Variants in RYR3 observed in about 807,000 individuals in gnomAD.
RYR3 encodes brain ryanodine receptor-calcium release channel.
In RYR3, 207 loss-of-function variants were observed where a neutral mutation model predicts 584.3. That is an observed-to-expected ratio of 0.35 (90% CI 0.32 to 0.40). The LOEUF (loss-of-function observed/expected upper bound fraction) is 0.40, where lower values mean the gene tolerates loss of function less well. RYR3 is among the 10% of genes least tolerant of loss of function. The pLI is 1.00. For missense variants in RYR3, 5,616 were observed against 6,089.2 expected (o/e 0.92, Z 2.59); for synonymous variants, 2,416 against 2,248.5 (o/e 1.07, Z -2.11).
At chr15:33,704,402 A>C (rs879528828) in intron 42 of RYR3, among the ~76,000 whole-genome samples, 3 of 152,190 alleles carry the variant, frequency 2.0e-5, no homozygotes, top group Non-Finnish European at 4.4e-5. Context: ...ACCAGACCAG[A>C]GGGAAATGTT....
At chr15:33,678,212 C>T (rs774593563) in intron 38 of RYR3, among the ~76,000 whole-genome samples, 8 of 152,334 alleles carry the variant, frequency 5.3e-5, no homozygotes, top group Non-Finnish European at 1.2e-4. Context: ...TCTGTGTCCC[C>T]ACACAAATCT....
chr15:33,761,193 A>G (rs2072399574), intron 60 of RYR3, among the ~76,000 whole-genome samples: 1 of 152,132 alleles, frequency 6.6e-6, no homozygotes, highest in Non-Finnish European at 1.5e-5. Context: ...TAAAAGAAAT[A>G]CTGGAGAAGC....
chr15:33,782,317 A>G (rs781670839), intron 65 of RYR3, among the ~76,000 whole-genome samples: 1 of 152,210 alleles, frequency 6.6e-6, no homozygotes, highest in African/African-American at 2.4e-5. Context: ...GTTCCTTTTC[A>G]TTCTATATAC....
At chr15:33,440,715 A>G (rs1275671046) in intron 1 of RYR3, among the ~76,000 whole-genome samples, 1 of 152,212 alleles carries the variant, frequency 6.6e-6, no homozygotes, top group Non-Finnish European at 1.5e-5. Context: ...TCCAGGCTCT[A>G]TCCCTAGAGG....
intron 7 of RYR3, among the ~76,000 whole-genome samples, chr15:33,542,982 C>CT (rs142655095): frequency 0.022 from 3,413 of 152,160 alleles, 51 homozygotes; most frequent in Non-Finnish European, 0.036. Flanking sequence ...AACTCCATGA[C>CT]TATTGAGATT....
intron 48 of RYR3, 116 bp downstream of exon 48, chr15:33,731,810 C>T (rs745531799): frequency 1.5e-5 from 11 of 712,184 alleles, no homozygotes; most frequent in Admixed American, 4.2e-5. Flanking sequence ...CATTGTCATA[C>T]ACCAGCCCTC....
chr15:33,669,888 T>TG (rs1286387497), intron 37 of RYR3, among the ~76,000 whole-genome samples: 115 of 129,976 alleles, frequency 8.8e-4, no homozygotes, highest in Non-Finnish European at 1.3e-4. Flanking sequence ...GTGGTGTGTG[T>TG]GTGTGTGTGT....
intron 2 of RYR3, among the ~76,000 whole-genome samples, chr15:33,488,985 T>C (rs538993168): frequency 2.7e-4 from 41 of 152,232 alleles, no homozygotes; most frequent in Non-Finnish European, 4.0e-4. Context: ...TTTGAAGTTA[T>C]GTGCATGCTC....
intron 18 of RYR3, among the ~76,000 whole-genome samples, chr15:33,606,128 G>A (rs532567435): frequency 6.6e-6 from 1 of 152,158 alleles, no homozygotes; most frequent in Admixed American, 6.5e-5. Context: ...AGTTACGCCT[G>A]GGTTTGAGTC....
intron 46 of RYR3, among the ~76,000 whole-genome samples, chr15:33,728,039 C>T (rs180680743): frequency 3.3e-5 from 5 of 152,306 alleles, no homozygotes; most frequent in East Asian, 1.9e-4. Flanking sequence ...AACAGTATGT[C>T]CTCGAAGTTT....
rs754710913 is a variant in RYR3, at chr15:33,707,005, T to G, written c.6570T>G (p.Ile2190Met). Reference sequence around the variant, plus strand: ...ACCCTGATGTCGGCTGGAACCCCATTGAAGGGGAACGCTACCTGTCCTTCC... The same window carrying G: ...ACCCTGATGTCGGCTGGAACCCCATGGAAGGGGAACGCTACCTGTCCTTCC... Reference protein sequence around the residue: ...KGYPDVGWNPIEGERYLSFLR... With the variant: ...KGYPDVGWNPMEGERYLSFLR... The change falls in exon 43 of 104, where the codon ATT (isoleucine) becomes ATG (methionine). Residue 2190 changes from isoleucine (I) to methionine (M), a missense_variant. This residue lies in a region of RYR3 where 1,280 missense variants were observed against 1,426.2 expected (regional missense o/e 0.90). Transcript: ENST00000634891. 3 of 1,614,000 alleles carry G rather than the reference T, an allele frequency of 1.9e-6. No homozygotes were observed. Among genetic ancestry groups the G allele is most frequent in the Admixed American group, 1.7e-5 (1 of 60,006 alleles).
At chr15:33,368,084 C>T (rs949486186) in intron 1 of RYR3, among the ~76,000 whole-genome samples, 6 of 152,252 alleles carry the variant, frequency 3.9e-5, no homozygotes, top group Middle Eastern at 6.8e-3. Flanking sequence ...CAATAAATTG[C>T]AAAAGCTCTT....
intron 2 of RYR3, among the ~76,000 whole-genome samples, chr15:33,476,332 C>T (rs898748534): frequency 6.6e-6 from 1 of 152,198 alleles, no homozygotes; most frequent in African/African-American, 2.4e-5. Context: ...TCTTTCCTAA[C>T]ATCCACTTAA....
rs554496167 is a variant in RYR3, at chr15:33,601,471, C to T, written c.1841C>T (p.Ala614Val). 7.4e-6 allele frequency: 12 copies of T among 1,613,324 alleles called. No homozygotes were observed. The South Asian group carries it at 1.2e-4, about 16-fold the overall frequency. Residue 614 changes from alanine (A) to valine (V), a missense_variant, in exon 17 of 104, where the codon GCC (alanine) becomes GTC (valine). By Grantham distance (64) the Ala-to-Val change is moderately conservative (BLOSUM62 0). Coordinates refer to ENST00000634891, the MANE Select transcript of RYR3 (RefSeq NM_001036.6). ...CTCTGCAATGGGGTTGCAGTGAGAG[C>T]CAACCAGAATCTGATCTGTGACAAC... The part of the protein sequence containing the change: ...LCLCNGVAVR[A>V]NQNLICDNLL...
At chr15:33,668,894 A>G (rs1011460439) in intron 36 of RYR3, among the ~76,000 whole-genome samples, 1 of 152,244 alleles carries the variant, frequency 6.6e-6, no homozygotes, top group Non-Finnish European at 1.5e-5. Context: ...CAAATATGTC[A>G]TAACAGAGTT....
At chr15:33,646,645 G>C (rs955850791) in intron 29 of RYR3, 119 bp downstream of exon 29, 1 of 928,912 alleles carries the variant, frequency 1.1e-6, no homozygotes, top group Non-Finnish European at 1.6e-6. Flanking sequence ...TCTGCTTTCA[G>C]TCAGGTAAAA....
intron 36 of RYR3, among the ~76,000 whole-genome samples, chr15:33,668,063 G>GAA (rs35864583): frequency 1.8e-4 from 18 of 97,618 alleles, no homozygotes; most frequent in East Asian, 2.9e-4. Context: ...ACTCAGTCTT[G>GAA]AAAAAAAAAA....
rs765655604 is a variant in RYR3 at position 33,861,167 on chromosome 15, A to T, written c.14454A>T (p.Leu4818Phe). ...FETHTLQEHN[L>F]ANYLFFLMYL... ...CACATACATTACAAGAGCACAACTT[A>T]GCCAACTACTTGTGAGTATTCTTGG... The change falls in exon 102 of 104, where the codon TTA becomes TTT. Residue 4818 changes from leucine (L) to phenylalanine (F), a missense_variant. Transcript: ENST00000634891. 8.8e-6 allele frequency: 14 copies of T among 1,588,104 alleles called. No individual in the cohort carries two copies. The highest frequency in any genetic ancestry group is 1.2e-5 in the Non-Finnish European group (14 of 1,165,650).
intron 102 of RYR3, among the ~76,000 whole-genome samples, chr15:33,861,966 AGTAG>A (rs1470980992): frequency 6.6e-6 from 1 of 152,126 alleles, no homozygotes; most frequent in African/African-American, 2.4e-5. Context: ...CCTGGCACCC[AGTAG>A]GCAACTAATA....
Sources: gnomAD v4.1 joint callset for allele counts (sites outside exome capture counted in the v4.1 genomes callset) on GRCh38, gnomAD v4.1.1 for gene constraint, gnomAD v4.1.1 regional missense constraint, MANE v1.5 for transcripts, NCBI Gene and HGNC (gene_info 2026-07-23, HGNC 2026-07-21) for gene names.